Variants in RFPL3 observed in about 807,000 individuals in gnomAD.
RFPL3 encodes ret finger protein-like 3.
Under a neutral mutation model 8.7 loss-of-function variants are expected in RFPL3, and 8 were observed. The observed-to-expected ratio is 0.92, with a 90% CI of 0.54 to 1.66. RFPL3 has a LOEUF of 1.66. Among genes scored for constraint, RFPL3 ranks in the 40% most tolerant of loss-of-function variants. RFPL3 has a pLI of 0.00. For synonymous variants in RFPL3, 145 were observed against 150.5 expected (o/e 0.96, Z 0.27); for missense variants, 341 against 395.0 (o/e 0.86, Z 1.16).
rs998203089 is a variant in RFPL3, at chr22:32,360,924, G to A, written c.*92G>A. On this transcript the variant is annotated 3_prime_UTR_variant, in exon 2 of 2. Transcript: ENST00000249007. Reference sequence around the variant, plus strand: ...TTGGTAAAAGCATTATACAGTCATAGGAGAAAGATATGGGACATTTCTATA... The same window carrying A: ...TTGGTAAAAGCATTATACAGTCATAAGAGAAAGATATGGGACATTTCTATA... The A allele has an allele frequency of 2.4e-6, 3 of 1,257,762 alleles. No individual in the cohort carries two copies. The highest frequency in any genetic ancestry group is 5.3e-5 in the Admixed American group (2 of 37,986). 77.9% of individuals were successfully genotyped at this position (1,257,762 alleles called of 1,614,324 possible). A position where few individuals can be genotyped will look rare whatever the true frequency, so the allele number is the denominator to read the frequency against.
intron 1 of RFPL3, chr22:32,360,017 C>T (rs754027922): frequency 1.7e-4 from 93 of 556,394 alleles, no homozygotes; most frequent in Non-Finnish European, 2.7e-4. Flanking sequence ...GTGAAGCAAA[C>T]ACGTGACGTA....
At chr22:32,355,303 C>G (rs1311228158), upstream of RFPL3, among the ~76,000 whole-genome samples, 1 of 152,038 alleles carries the variant, frequency 6.6e-6, no homozygotes, top group South Asian at 2.1e-4. Context: ...AGTCCAAGAA[C>G]CTCATTTGCA....
upstream of RFPL3, among the ~76,000 whole-genome samples, chr22:32,355,061 G>T (rs996885538): frequency 6.7e-6 from 1 of 149,724 alleles, no homozygotes; most frequent in African/African-American, 2.4e-5. Context: ...AGCTTGGAAT[G>T]ACAAAACTCC....
Position 32,360,241 on chromosome 22 carries a change from C to G in RFPL3, c.374-11C>G. The G allele has an allele frequency of 6.2e-6, 10 of 1,603,842 alleles. No individual in the cohort carries two copies. The highest frequency in any genetic ancestry group is 8.5e-6 in the Non-Finnish European group (10 of 1,172,796). On this transcript the variant is annotated splice_polypyrimidine_tract_variant and intron_variant, in intron 1 of 1. Coordinates refer to ENST00000249007, the MANE Select transcript of RFPL3 (RefSeq NM_001098535.1). ...GTCCACTTGCTGAGCAACTTGTTTT[C>G]CTTTTCACAGTGGATATGACCTTGG... is the stretch of plus-strand genomic sequence containing the variant.
At chr22:32,355,781 C>CAAAAAAAAAAAAAAAAAAAAA (rs5844988), upstream of RFPL3, among the ~76,000 whole-genome samples, 2 of 99,968 alleles carry the variant, frequency 2.0e-5, no homozygotes, top group Non-Finnish European at 4.3e-5. Context: ...GACTTTGTCT[C>CAAAAAAAAAAAAAAAAAAAAA]AAAAAAAAAA....
Position 32,360,576 on chromosome 22 carries a change from T to C in RFPL3, c.698T>C (p.Leu233Pro). 1.2e-6 allele frequency: 2 copies of C among 1,613,986 alleles called. No individual in the cohort carries two copies. Among genetic ancestry groups the C allele is most frequent in the South Asian group, 1.1e-5 (1 of 91,082 alleles). The change falls in exon 2 of 2, where the codon CTG becomes CCG. Residue 233 changes from leucine (L) to proline (P), a missense_variant. Coordinates refer to ENST00000249007, the MANE Select transcript of RFPL3 (RefSeq NM_001098535.1). ...GSRLSASTVP[L>P]TFLLVDRKLQ... ...CGCCTCTCTGCCAGCACGGTGCCGCTGACTTTCCTCTTAGTAGACCGCAAG... is the reference window on the plus strand; with the variant it reads ...CGCCTCTCTGCCAGCACGGTGCCGCCGACTTTCCTCTTAGTAGACCGCAAG...
chr22:32,357,397 T>C (rs890894847), upstream of RFPL3, among the ~76,000 whole-genome samples: 1 of 152,114 alleles, frequency 6.6e-6, no homozygotes, highest in African/African-American at 2.4e-5. Flanking sequence ...CTCAAATTCC[T>C]GGGCTCAAGG....
upstream of RFPL3, among the ~76,000 whole-genome samples, chr22:32,355,048 G>C (rs72620408): frequency 6.6e-6 from 1 of 151,936 alleles, no homozygotes; most frequent in Admixed American, 6.5e-5. Flanking sequence ...GCTGACGCAG[G>C]AGAGCTTGGA....
At chr22:32,359,563 T>G (rs1264099333) in intron 1 of RFPL3, among the ~76,000 whole-genome samples, 1 of 152,216 alleles carries the variant, frequency 6.6e-6, no homozygotes, top group African/African-American at 2.4e-5. Flanking sequence ...GCCCTTATTC[T>G]CTACAATCAG....
In RFPL3 at chr22:32,360,486, G is replaced by A; in HGVS notation, c.608G>A (p.Cys203Tyr). The A allele has an allele frequency of 6.2e-7, 1 of 1,613,982 alleles. No individual in the cohort carries two copies. The highest frequency in any genetic ancestry group is 2.2e-5 in the East Asian group (1 of 44,894). Residue 203 changes from cysteine (C) to tyrosine (Y), a missense_variant, in exon 2 of 2, where the codon TGC becomes TAC. Physicochemically the swap from Cys to Tyr is radical, Grantham distance 194. Transcript: ENST00000249007. ...DLGVCRESVH[C>Y]KGKIQLTTEL... Reference sequence around the variant, plus strand: ...GGAGTCTGCAGAGAATCTGTTCACTGCAAAGGGAAGATCCAGCTGACCACA... The same window carrying A: ...GGAGTCTGCAGAGAATCTGTTCACTACAAAGGGAAGATCCAGCTGACCACA...
At position 32,360,600 on chromosome 22, in the gene RFPL3, A is replaced by G. The variant is rs1197117863; in HGVS notation, c.722A>G (p.Lys241Arg). The G allele has an allele frequency of 8.1e-6, 13 of 1,613,340 alleles. No individual in the cohort carries two copies. The highest frequency in any genetic ancestry group is 1.1e-5 in the Non-Finnish European group (13 of 1,179,482). The change falls in exon 2 of 2, where the codon AAG becomes AGG. Residue 241 changes from lysine to arginine, a missense_variant. Transcript: ENST00000249007. ...CTGACTTTCCTCTTAGTAGACCGCA[A>G]GTTACAGCGAGTGGGGATTTTTCTG... The part of the protein sequence containing the change: ...VPLTFLLVDR[K>R]LQRVGIFLDM...
Position 32,360,531 on chromosome 22 carries a change from T to C in RFPL3, c.653T>C (p.Val218Ala). ...ACCACAGAGCTTGGATTCTGGACTGTGAGTTTGAGGGATGGAAGCCGCCTC... is the reference window on the plus strand; with the variant it reads ...ACCACAGAGCTTGGATTCTGGACTGCGAGTTTGAGGGATGGAAGCCGCCTC... Reference protein sequence around the residue: ...QLTTELGFWTVSLRDGSRLSA... With the variant: ...QLTTELGFWTASLRDGSRLSA... Residue 218 changes from valine (V) to alanine (A), a missense_variant, in exon 2 of 2, where the codon GTG becomes GCG. Coordinates refer to ENST00000249007, the MANE Select transcript of RFPL3 (RefSeq NM_001098535.1). 2.5e-6 allele frequency: 4 copies of C among 1,613,926 alleles called. No homozygotes were observed. Among genetic ancestry groups the C allele is most frequent in the African/African-American group, 1.3e-5 (1 of 75,018 alleles).
In RFPL3 at chr22:32,358,370, T is replaced by C. The variant is rs61729168; in HGVS notation, c.299T>C (p.Val100Ala). The C allele has an allele frequency of 2.0e-5, 33 of 1,612,102 alleles. No individual in the cohort carries two copies. The highest frequency in any genetic ancestry group is 1.1e-4 in the African/African-American group (8 of 74,966). Residue 100 changes from valine to alanine, a missense_variant, in exon 1 of 2, where the codon GTT becomes GCT. Val to Ala is a moderately conservative substitution (Grantham distance 64). Coordinates refer to ENST00000249007, the MANE Select transcript of RFPL3 (RefSeq NM_001098535.1). ...CCCAATCGGCAGCTAGAGAGGCTGG[T>C]TTCCCACATCAAGGAACTGGAGCCC... ...IRPNRQLERL[V>A]SHIKELEPKL...
chr22:32,359,655 T>C (rs1332404404), intron 1 of RFPL3, among the ~76,000 whole-genome samples: 5 of 152,204 alleles, frequency 3.3e-5, no homozygotes, highest in Non-Finnish European at 7.3e-5. Flanking sequence ...TCACCTTCCA[T>C]GTAGGATAGA....
At position 32,360,950 on chromosome 22, in the gene RFPL3, A is replaced by G; in HGVS notation, c.*118A>G. On this transcript the variant is annotated 3_prime_UTR_variant, in exon 2 of 2. Coordinates refer to ENST00000249007, the MANE Select transcript of RFPL3 (RefSeq NM_001098535.1). ...GAGAAAGATATGGGACATTTCTATA[A>G]TCTATATTCTAATTTGATTCGATTA... is the stretch of plus-strand genomic sequence containing the variant. 2 of 991,412 alleles carry G rather than the reference A, an allele frequency of 2.0e-6. No homozygotes were observed. The highest frequency in any genetic ancestry group is 2.8e-5 in the South Asian group (1 of 36,354). 61.4% of individuals were successfully genotyped at this position (991,412 alleles called of 1,614,324 possible). A position where few individuals can be genotyped will look rare whatever the true frequency, so the allele number is the denominator to read the frequency against.
intron 1 of RFPL3, chr22:32,359,907 T>C (rs564534728): frequency 3.6e-6 from 1 of 276,574 alleles, no homozygotes; most frequent in South Asian, 7.6e-5. Flanking sequence ...CCACTTGCAT[T>C]GTCTTAATTA....
Position 32,359,196 on chromosome 22 carries a change from C to G in RFPL3, c.373+752C>G, listed in dbSNP as rs5998438. 7.2e-5 allele frequency among the ~76,000 whole-genome samples: 11 copies of G among 152,280 alleles called. 1 individual carries two copies. Among genetic ancestry groups the G allele is most frequent in the African/African-American group, 2.6e-4 (11 of 41,550 alleles). On this transcript the variant is annotated intron_variant, in intron 1 of 1. Coordinates refer to ENST00000249007, the MANE Select transcript of RFPL3 (RefSeq NM_001098535.1). ...CATGATCTCTACTCATCCATCTACC[C>G]ATACCTGACTGTCTCTCTGCTGAAC...
At chr22:32,357,798 A>G, upstream of RFPL3, 4 of 1,195,348 alleles carry the variant, frequency 3.3e-6, no homozygotes, top group Non-Finnish European at 3.3e-6. Flanking sequence ...TTCATCAATC[A>G]GTCTCTTGCT....
chr22:32,357,825 G>A (rs2145868114), upstream of RFPL3: 1 of 1,380,974 alleles, frequency 7.2e-7, no homozygotes. Context: ...CCCCTAGGAG[G>A]TGGTGAAATG....
Sources: allele counts gnomAD v4.1 joint callset (sites outside exome capture counted in the v4.1 genomes callset), GRCh38; gene constraint gnomAD v4.1.1; transcripts MANE v1.5; gene names NCBI Gene and HGNC (gene_info 2026-07-23, HGNC 2026-07-21).